The following RERE variants were observed in gnomAD, a reference collection of about 807,000 sequenced individuals.
RERE encodes arginine-glutamic acid dipeptide repeats, also known as arginine-glutamic acid dipeptide repeats protein.
A neutral mutation model predicts 146.1 loss-of-function variants in RERE; 40 were observed. That is an observed-to-expected ratio of 0.27 (90% CI 0.21 to 0.36). The LOEUF is 0.36. Ranked by LOEUF, RERE falls within the 10% of genes least tolerant of loss-of-function variation. The pLI, the probability that RERE is intolerant of heterozygous loss-of-function variation, is 1.00. For synonymous variants in RERE, 1,003 were observed against 866.0 expected (o/e 1.16, Z -2.78); for missense variants, 1,933 against 2,138.7 (o/e 0.90, Z 1.90).
chr1:8,749,933 C>T (rs1051654976), intron 1 of RERE, among the ~76,000 whole-genome samples: 2 of 152,152 alleles, frequency 1.3e-5, no homozygotes, highest in African/African-American at 4.8e-5. Context: ...GAGTGGGTAA[C>T]TTGAGGCCAA....
chr1:8,480,979 A>G (rs902034043), intron 10 of RERE, among the ~76,000 whole-genome samples: 4 of 152,226 alleles, frequency 2.6e-5, no homozygotes, highest in African/African-American at 9.6e-5. Flanking sequence ...ATGCCAAACA[A>G]AAGTAAAAGC....
intron 1 of RERE, among the ~76,000 whole-genome samples, chr1:8,766,999 C>A (rs547772062): frequency 2.8e-4 from 42 of 152,216 alleles, no homozygotes; most frequent in African/African-American, 9.9e-4. Context: ...CATTATTTTT[C>A]TTTTACCTTT....
chr1:8,557,191 C>T (rs1646018184), intron 5 of RERE, among the ~76,000 whole-genome samples: 1 of 152,174 alleles, frequency 6.6e-6, no homozygotes, highest in South Asian at 2.1e-4. Flanking sequence ...ATGGCCCCAG[C>T]AACGTCCTTA....
chr1:8,685,518 T>C (rs1324386921), intron 1 of RERE, among the ~76,000 whole-genome samples: 2 of 152,032 alleles, frequency 1.3e-5, no homozygotes, highest in Non-Finnish European at 2.9e-5. Context: ...TCAGGAGATC[T>C]AGACCATCCT....
At chr1:8,468,900 T>TAAA (rs528265802) in intron 10 of RERE, among the ~76,000 whole-genome samples, 1 of 125,646 alleles carries the variant, frequency 8.0e-6, no homozygotes, top group African/African-American at 2.9e-5. Context: ...CTGCCTCCAA[T>TAAA]AAAAAAAAAA....
chr1:8,371,970 C>A (rs1056724194), intron 12 of RERE, among the ~76,000 whole-genome samples: 48 of 152,186 alleles, frequency 3.2e-4, no homozygotes, highest in African/African-American at 1.1e-3. Flanking sequence ...CTTACCTGTG[C>A]GCATTTGGTA....
chr1:8,384,461 C>G (rs1227564161), intron 12 of RERE, among the ~76,000 whole-genome samples: 1 of 152,132 alleles, frequency 6.6e-6, no homozygotes, highest in African/African-American at 2.4e-5. Flanking sequence ...CAGGGATCCT[C>G]TCCTGGGAAC....
rs149954601 is a variant in RERE at position 8,678,542 on chromosome 1, G to A, written c.-144-22101C>T. Among the ~76,000 whole-genome samples, 1,182 of 151,746 alleles carry A rather than the reference G, an allele frequency of 7.8e-3. 14 individuals carry two copies. The highest frequency in any genetic ancestry group is 0.027 in the African/African-American group (1,127 of 41,394). ...TGGCACGCGCCTGTAGTCCCTACTC[G>A]GGAAGCTGAGGCAGGAGAATCAGGA... is the stretch of plus-strand genomic sequence containing the variant. On this transcript the variant is annotated intron_variant, in intron 1 of 22. Transcript: ENST00000400908.
chr1:8,598,689 A>G (rs183370099), intron 4 of RERE, among the ~76,000 whole-genome samples: 2 of 151,980 alleles, frequency 1.3e-5, no homozygotes, highest in African/African-American at 2.4e-5. Context: ...TTCCCACTCA[A>G]CCCTCTCCCC....
chr1:8,520,731 G>A (rs1645482401), intron 7 of RERE, among the ~76,000 whole-genome samples: 1 of 123,470 alleles, frequency 8.1e-6, no homozygotes, highest in Non-Finnish European at 1.6e-5. Context: ...GCACACACAT[G>A]GAGATTCAGC....
At chr1:8,613,050 TTATCAATA>T (rs1646811015) in intron 4 of RERE, among the ~76,000 whole-genome samples, 1 of 152,204 alleles carries the variant, frequency 6.6e-6, no homozygotes, top group Admixed American at 6.5e-5. Context: ...TTGGTTACAA[TTATCAATA>T]TATCATCTCT....
rs201570536 is a variant in RERE at position 8,359,794 on chromosome 1, T to TCGCTCC, written c.3582_3587dup (p.Arg1200_Glu1201dup). ...CCCGCTCTGCCTCGCGCTCCCGCTC[T>TCGCTCC]CGCTCCCGCTCCCGCTCCTTCTCCT... On this transcript the variant is annotated inframe_insertion, in exon 19 of 23. Transcript: ENST00000400908. 7.8e-4 allele frequency: 1,246 copies of TCGCTCC among 1,601,614 alleles called. 6 individuals carry two copies. Among genetic ancestry groups the TCGCTCC allele is most frequent in the African/African-American group, 5.3e-3 (392 of 74,240 alleles).
chr1:8,667,223 T>C (rs1638595597), intron 1 of RERE, among the ~76,000 whole-genome samples: 1 of 152,146 alleles, frequency 6.6e-6, no homozygotes, highest in African/African-American at 2.4e-5. Context: ...GGTGCAAAAG[T>C]ACCCAAAACA....
chr1:8,657,173 C>T (rs574651363), intron 1 of RERE, among the ~76,000 whole-genome samples: 3 of 151,918 alleles, frequency 2.0e-5, no homozygotes, highest in African/African-American at 7.2e-5. Context: ...GGTGTGGTGG[C>T]GGGCGCCTGT....
chr1:8,466,262 T>A (rs562845895), intron 10 of RERE, among the ~76,000 whole-genome samples: 2 of 152,144 alleles, frequency 1.3e-5, no homozygotes, highest in African/African-American at 4.8e-5. Flanking sequence ...TTGGCAAAGA[T>A]AGGAATAGGA....
At chr1:8,367,580 C>T (rs1641861950) in intron 12 of RERE, among the ~76,000 whole-genome samples, 1 of 152,164 alleles carries the variant, frequency 6.6e-6, no homozygotes, top group South Asian at 2.1e-4. Flanking sequence ...AACCCCAGGC[C>T]AGCAGGGCCA....
At chr1:8,703,349 C>G (rs951394498) in intron 1 of RERE, 36 of 151,440 alleles carry the variant, frequency 2.4e-4, no homozygotes, top group African/African-American at 8.7e-4. Context: ...GGCCGCGGCA[C>G]TCAGCTCGCA....
chr1:8,442,026 G>A (rs1255774567), intron 11 of RERE, among the ~76,000 whole-genome samples: 2 of 151,918 alleles, frequency 1.3e-5, no homozygotes, highest in African/African-American at 4.8e-5. Context: ...AAAGTCCCTG[G>A]GGAAGTAGAA....
intron 5 of RERE, among the ~76,000 whole-genome samples, chr1:8,556,865 T>C (rs1199061754): frequency 1.3e-5 from 2 of 152,146 alleles, no homozygotes; most frequent in African/African-American, 4.8e-5. Context: ...AACAACTATC[T>C]TATCCTAGCA....
Sources: gnomAD v4.1 joint callset for allele counts (sites outside exome capture counted in the v4.1 genomes callset) on GRCh38, gnomAD v4.1.1 for gene constraint, MANE v1.5 for transcripts, NCBI Gene and HGNC (gene_info 2026-07-23, HGNC 2026-07-21) for gene names.